Variants in CTNNA3 observed in about 807,000 individuals in gnomAD.
The protein encoded by CTNNA3 is catenin alpha 3.
CTNNA3 carries 76 observed loss-of-function variants against 95.7 expected under a neutral mutation model. That is an observed-to-expected ratio of 0.79 (90% CI 0.66 to 0.96). CTNNA3 has a LOEUF of 0.96. Among genes scored for constraint, CTNNA3 ranks in the 40% least tolerant of loss-of-function variants. The pLI, the probability that CTNNA3 is intolerant of heterozygous loss-of-function variation, is 0.00. For synonymous variants in CTNNA3, 431 were observed against 374.4 expected, an observed-to-expected ratio of 1.15 and a Z score of -1.74; for missense variants, 1,191 against 1,089.8, an observed-to-expected ratio of 1.09 and a Z score of -1.31.
chr10:67,345,689 A>T (rs1022801540), intron 5 of CTNNA3, among the ~76,000 whole-genome samples: 1 of 151,800 alleles, frequency 6.6e-6, no homozygotes, highest in Non-Finnish European at 1.5e-5. Context: ...ATCTTTTCCC[A>T]TCCCTTTATT....
At chr10:66,813,072 T>C (rs1462148599) in intron 7 of CTNNA3, among the ~76,000 whole-genome samples, 1 of 152,190 alleles carries the variant, frequency 6.6e-6, no homozygotes, top group Non-Finnish European at 1.5e-5. Context: ...AAGTGCAGAC[T>C]GGCTATTACA....
chr10:66,206,736 T>C (rs1229580649), intron 13 of CTNNA3, among the ~76,000 whole-genome samples: 3 of 151,978 alleles, frequency 2.0e-5, no homozygotes, highest in Non-Finnish European at 4.4e-5. Context: ...GAGAAGATTT[T>C]CTTTGTAAAA....
chr10:67,598,756 G>A (rs1842997234), intron 3 of CTNNA3, among the ~76,000 whole-genome samples: 1 of 152,082 alleles, frequency 6.6e-6, no homozygotes, highest in Non-Finnish European at 1.5e-5. Flanking sequence ...TAGAACTCAA[G>A]TAGAAAGCTA....
intron 13 of CTNNA3, among the ~76,000 whole-genome samples, chr10:66,251,051 A>G (rs901174639): frequency 5.3e-5 from 8 of 152,144 alleles, no homozygotes; most frequent in Admixed American, 1.3e-4. Context: ...TCCTGCTCCA[A>G]TAATCCCTGG....
Position 67,034,810 on chromosome 10 carries a change from G to A in CTNNA3, c.1047+145507C>T, listed in dbSNP as rs116004816. Reference sequence around the variant, plus strand: ...ATTTGACCCCCAACCTACCATATCAGTCTTGCCTCCTACCATTTGCTTCAG... The same window carrying A: ...ATTTGACCCCCAACCTACCATATCAATCTTGCCTCCTACCATTTGCTTCAG... On this transcript the variant is annotated intron_variant, in intron 7 of 17. Transcript: ENST00000433211. 3.9e-3 allele frequency among the ~76,000 whole-genome samples: 589 copies of A among 152,200 alleles called. 3 individuals carry two copies. The highest frequency in any genetic ancestry group is 0.014 in the African/African-American group (565 of 41,524).
chr10:66,893,819 A>G (rs999670860), intron 7 of CTNNA3, among the ~76,000 whole-genome samples: 8 of 152,164 alleles, frequency 5.3e-5, no homozygotes, highest in African/African-American at 1.9e-4. Flanking sequence ...AAGAACACAG[A>G]TAATCAAGAC....
At chr10:66,204,066 C>T (rs538403768) in intron 13 of CTNNA3, among the ~76,000 whole-genome samples, 93 of 152,002 alleles carry the variant, frequency 6.1e-4, no homozygotes, top group African/African-American at 2.1e-3. Flanking sequence ...AGCTACCAAG[C>T]GTGAATAAAA....
chr10:66,822,262 T>C (rs1363942168), intron 7 of CTNNA3, among the ~76,000 whole-genome samples: 1 of 152,054 alleles, frequency 6.6e-6, no homozygotes, highest in Non-Finnish European at 1.5e-5. Flanking sequence ...ATATATAAGA[T>C]GTCATTTCCT....
chr10:66,961,203 G>C lies in CTNNA3; in HGVS notation c.1048-185679C>G, dbSNP rs1473141123. On this transcript the variant is annotated intron_variant, in intron 7 of 17. Coordinates refer to ENST00000433211, the MANE Select transcript of CTNNA3 (RefSeq NM_013266.4). ...AGCTATAATACCTGTAGTCTATTAT[G>C]ACAATATTGGTGATTTCTATTGTTT... 3.9e-5 allele frequency among the ~76,000 whole-genome samples: 6 copies of C among 152,056 alleles called. No homozygotes were observed. In the East Asian group the frequency reaches 1.2e-3, roughly 29 times the overall value.
At chr10:67,149,399 C>T (rs1353416749) in intron 7 of CTNNA3, among the ~76,000 whole-genome samples, 1 of 152,020 alleles carries the variant, frequency 6.6e-6, no homozygotes, top group Non-Finnish European at 1.5e-5. Flanking sequence ...TCCTGGCTAA[C>T]ACGGTGAAAC....
At chr10:66,506,006 C>T (rs1840436228) in intron 11 of CTNNA3, among the ~76,000 whole-genome samples, 1 of 152,138 alleles carries the variant, frequency 6.6e-6, no homozygotes. Context: ...GCACCTACTT[C>T]TGGTGAGGGC....
chr10:66,205,265 T>C (rs932452810), intron 13 of CTNNA3, among the ~76,000 whole-genome samples: 1 of 151,924 alleles, frequency 6.6e-6, no homozygotes, highest in African/African-American at 2.4e-5. Context: ...AAACAATGTA[T>C]GATGACACCC....
At chr10:67,247,914 T>C (rs752470354) in intron 5 of CTNNA3, among the ~76,000 whole-genome samples, 2 of 152,190 alleles carry the variant, frequency 1.3e-5, no homozygotes, top group Non-Finnish European at 2.9e-5. Flanking sequence ...GTTACAATCA[T>C]AAAGACAGAC....
At position 66,589,596 on chromosome 10, in the gene CTNNA3, C is replaced by G. The variant is rs1358081922; in HGVS notation, c.1374+32096G>C. Among the ~76,000 whole-genome samples the G allele has an allele frequency of 9.2e-5, 14 of 152,212 alleles. No homozygotes were observed. In the South Asian group the frequency reaches 2.9e-3, roughly 32 times the overall value. On this transcript the variant is annotated intron_variant, in intron 10 of 17. Coordinates refer to ENST00000433211, the MANE Select transcript of CTNNA3 (RefSeq NM_013266.4). ...TGCACATATTTGACTGGGTTTAACTCATCAGTGATAAAAGCACCTATTCCT... is the reference window on the plus strand; with the variant it reads ...TGCACATATTTGACTGGGTTTAACTGATCAGTGATAAAAGCACCTATTCCT...
chr10:66,510,640 T>C (rs1840621946), intron 11 of CTNNA3, among the ~76,000 whole-genome samples: 1 of 151,934 alleles, frequency 6.6e-6, no homozygotes, highest in Admixed American at 6.6e-5. Flanking sequence ...TTTTTCTGTC[T>C]ATTGAGATAA....
At chr10:66,395,631 C>T (rs2092969813) in intron 11 of CTNNA3, among the ~76,000 whole-genome samples, 2 of 151,976 alleles carry the variant, frequency 1.3e-5, no homozygotes, top group East Asian at 1.9e-4. Flanking sequence ...ATTTACCTTT[C>T]CATGAAGTTT....
chr10:66,710,836 CTT>C (rs145471720), intron 9 of CTNNA3, among the ~76,000 whole-genome samples: 11,524 of 151,946 alleles, frequency 0.076, 480 homozygotes, highest in Middle Eastern at 0.13. Context: ...AATCTTAAAA[CTT>C]TGTCATGCGC....
chr10:66,781,440 G>A (rs560433770), intron 7 of CTNNA3, among the ~76,000 whole-genome samples: 3 of 152,198 alleles, frequency 2.0e-5, no homozygotes, highest in South Asian at 4.2e-4. Flanking sequence ...CACACAAACA[G>A]ACAAGTATAA....
At position 67,754,936 on chromosome 10, in the gene CTNNA3, G is replaced by T. The variant is rs527429102; in HGVS notation, c.-2+8498C>A. Among the ~76,000 whole-genome samples the T allele has an allele frequency of 1.1e-3, 163 of 152,256 alleles. 1 individual carries two copies. Among genetic ancestry groups the T allele is most frequent in the Middle Eastern group, 3.4e-3 (1 of 294 alleles). ...TACATGGCTGGACATGGTGTCTCAA[G>T]CCTGTAATCTCAGCACTTAGGGAGG... On this transcript the variant is annotated intron_variant, in intron 1 of 17. Coordinates refer to the CTNNA3 transcript ENST00000684154.
Sources: allele counts gnomAD v4.1 joint callset (sites outside exome capture counted in the v4.1 genomes callset), GRCh38; gene constraint gnomAD v4.1.1; transcripts MANE v1.5; gene names NCBI Gene and HGNC (gene_info 2026-07-23, HGNC 2026-07-21).